AMBRA1: variants seen among roughly 807,000 people sequenced by gnomAD.
The protein encoded by AMBRA1 is activating molecule in BECN1-regulated autophagy protein 1.
In AMBRA1, 47 loss-of-function variants were observed where a neutral mutation model predicts 125.4. The observed-to-expected ratio is 0.37, with a 90% CI of 0.30 to 0.48. AMBRA1 has a LOEUF of 0.48. AMBRA1 is among the 20% of genes least tolerant of loss of function. AMBRA1 has a pLI of 0.99. For synonymous variants in AMBRA1, 626 were observed against 655.5 expected, an observed-to-expected ratio of 0.95 and a Z score of 0.69; for missense variants, 1,331 against 1,693.4, an observed-to-expected ratio of 0.79 and a Z score of 3.76.
chr11:46,532,121 A>G (rs1016289497), intron 7 of AMBRA1, among the ~76,000 whole-genome samples: 2 of 152,186 alleles, frequency 1.3e-5, no homozygotes, highest in Non-Finnish European at 2.9e-5. Flanking sequence ...TATGTCTCAG[A>G]AATAAATTAA....
chr11:46,493,620 T>C lies in AMBRA1; in HGVS notation c.2509A>G (p.Arg837Gly). ...AACATTTCCTTACCTGCCAGGACCC[T>C]GTTAACAGAAGAGTGAGTAGCCAAG... The part of the protein sequence containing the change: ...PGLATHSSVN[R>G]VLAGAVIGDG... The change falls in exon 11 of 18, where the codon AGG (arginine) becomes GGG (glycine). Residue 837 changes from arginine to glycine, a missense_variant. Arg to Gly is a moderately radical substitution (Grantham distance 125). Coordinates refer to ENST00000683756, the MANE Select transcript of AMBRA1 (RefSeq NM_001387011.1). 1 of 1,605,012 alleles carries C rather than the reference T, an allele frequency of 6.2e-7. No homozygotes were observed. The highest frequency in any genetic ancestry group is 1.1e-5 in the South Asian group (1 of 89,000).
At chr11:46,408,740 G>A (rs1315279384) in intron 16 of AMBRA1, 34 bp from the exon 17 acceptor site, 1 of 1,492,986 alleles carries the variant, frequency 6.7e-7, no homozygotes, top group Non-Finnish European at 9.0e-7. Flanking sequence ...AGTCAGATGG[G>A]GCTTGGGACA....
intron 1 of AMBRA1, among the ~76,000 whole-genome samples, chr11:46,588,505 G>T (rs1362226569): frequency 1.3e-5 from 2 of 151,960 alleles, no homozygotes; most frequent in African/African-American, 4.8e-5. Context: ...GCCGGGCACG[G>T]TGGCTCATAC....
intron 9 of AMBRA1, among the ~76,000 whole-genome samples, chr11:46,503,066 A>C (rs1437700330): frequency 6.9e-6 from 1 of 145,212 alleles, no homozygotes; most frequent in Non-Finnish European, 1.5e-5. Context: ...GTCTCAAAAA[A>C]AAAAAAAAAA....
At chr11:46,484,440 C>G (rs1950192471) in intron 11 of AMBRA1, among the ~76,000 whole-genome samples, 1 of 152,186 alleles carries the variant, frequency 6.6e-6, no homozygotes, top group Non-Finnish European at 1.5e-5. Flanking sequence ...TTCCAAGGAG[C>G]ACACAACCAT....
At chr11:46,572,138 C>T (rs891162914) in intron 1 of AMBRA1, among the ~76,000 whole-genome samples, 5 of 151,938 alleles carry the variant, frequency 3.3e-5, no homozygotes, top group Admixed American at 1.3e-4. Context: ...CCGTCTCTAC[C>T]GAAAATACAA....
chr11:46,439,224 T>C (rs1391995560), intron 12 of AMBRA1, among the ~76,000 whole-genome samples: 1 of 152,020 alleles, frequency 6.6e-6, no homozygotes, highest in Non-Finnish European at 1.5e-5. Flanking sequence ...TAGTGAGATA[T>C]GATCACGCCA....
intron 7 of AMBRA1, among the ~76,000 whole-genome samples, chr11:46,514,784 A>T (rs1453256399): frequency 6.6e-6 from 1 of 151,982 alleles, no homozygotes; most frequent in African/African-American, 2.4e-5. Flanking sequence ...CACTGGCAGG[A>T]TTTTTTCATG....
intron 10 of AMBRA1, 22 bp downstream of exon 10, chr11:46,494,102 T>C (rs775591239): frequency 6.3e-7 from 1 of 1,590,690 alleles, no homozygotes; most frequent in Non-Finnish European, 8.6e-7. Context: ...GCTCCCTCTG[T>C]TGCTAGCAAC....
intron 7 of AMBRA1, among the ~76,000 whole-genome samples, chr11:46,530,927 A>G (rs979973841): frequency 6.6e-6 from 1 of 152,232 alleles, no homozygotes; most frequent in Non-Finnish European, 1.5e-5. Flanking sequence ...TCTGTAGCCC[A>G]GGCTGGAGTG....
At chr11:46,536,939 T>A (rs1258364243) in intron 7 of AMBRA1, among the ~76,000 whole-genome samples, 1 of 152,214 alleles carries the variant, frequency 6.6e-6, no homozygotes, top group Admixed American at 6.5e-5. Context: ...TCTTACTAAA[T>A]ACTCCAGACC....
In AMBRA1 at chr11:46,397,765, C is replaced by T. The variant is rs773634879; in HGVS notation, c.3582G>A (p.Thr1194=). Residue 1194 remains threonine (T), a synonymous_variant, in exon 18 of 18, where the codon ACG becomes ACA. Transcript: ENST00000683756. ...TGTGGGCGGCACCAGGTTCAGTGCCCGTCTGAGAGCTGCGGTGAATGCGGT... is the reference window on the plus strand; with the variant it reads ...TGTGGGCGGCACCAGGTTCAGTGCCTGTCTGAGAGCTGCGGTGAATGCGGT... ...VSHRIHRSSQ[T]GTEPGAAHTS... is the part of the protein sequence containing the mutation. 2.2e-5 allele frequency: 35 copies of T among 1,612,020 alleles called. No individual in the cohort carries two copies. In the South Asian group the frequency reaches 2.6e-4, roughly 12 times the overall value.
At chr11:46,529,665 TCC>T (rs1183341784) in intron 7 of AMBRA1, among the ~76,000 whole-genome samples, 3 of 152,200 alleles carry the variant, frequency 2.0e-5, no homozygotes, top group Non-Finnish European at 4.4e-5. Context: ...GGGGCTGCTG[TCC>T]TACTCAATTC....
At chr11:46,466,690 C>T (rs1033371146) in intron 11 of AMBRA1, among the ~76,000 whole-genome samples, 1 of 152,118 alleles carries the variant, frequency 6.6e-6, no homozygotes, top group Non-Finnish European at 1.5e-5. Context: ...GTAAATTACA[C>T]AGTGGATAGC....
intron 11 of AMBRA1, among the ~76,000 whole-genome samples, chr11:46,456,403 CTGGCT>C: frequency 6.6e-6 from 1 of 152,194 alleles, no homozygotes; most frequent in East Asian, 1.9e-4. Context: ...ACAGAGGACA[CTGGCT>C]TAGGTGGGTC....
chr11:46,528,602 G>A (rs1183156182), intron 7 of AMBRA1, among the ~76,000 whole-genome samples: 1 of 152,156 alleles, frequency 6.6e-6, no homozygotes, highest in Non-Finnish European at 1.5e-5. Flanking sequence ...GAAACAGAAA[G>A]TAGAGTGGTG....
chr11:46,518,938 A>G (rs534814623), intron 7 of AMBRA1, among the ~76,000 whole-genome samples: 204 of 152,334 alleles, frequency 1.3e-3, no homozygotes, highest in African/African-American at 4.8e-3. Flanking sequence ...TAGGAATACA[A>G]TTTTTAAAAT....
intron 1 of AMBRA1, among the ~76,000 whole-genome samples, chr11:46,586,104 G>A (rs1424899162): frequency 2.6e-5 from 4 of 152,042 alleles, no homozygotes; most frequent in South Asian, 2.1e-4. Flanking sequence ...GCACCCAGCC[G>A]AAAATAATAA....
rs766519529 is a variant in AMBRA1, at chr11:46,443,519, G to C, written c.2601C>G (p.Phe867Leu). 4.3e-6 allele frequency: 7 copies of C among 1,614,162 alleles called. No homozygotes were observed. The East Asian group carries it at 1.6e-4, about 36-fold the overall frequency. The change falls in exon 12 of 18, where the codon TTC (phenylalanine) becomes TTG (leucine). Residue 867 changes from phenylalanine to leucine, a missense_variant. Phe to Leu is a conservative substitution (Grantham distance 22, BLOSUM62 0). Coordinates refer to ENST00000683756, the MANE Select transcript of AMBRA1 (RefSeq NM_001387011.1). ...TGATTTCAGGGAGGTCAAACTTAGT[G>C]AAGTCCCACCACTGGAGCCGGTAGG... The part of the protein sequence containing the change: ...NTTYRLQWWD[F>L]TKFDLPEISN...
Sources: allele counts gnomAD v4.1 joint callset (sites outside exome capture counted in the v4.1 genomes callset), GRCh38; gene constraint gnomAD v4.1.1; transcripts MANE v1.5; gene names NCBI Gene and HGNC (gene_info 2026-07-23, HGNC 2026-07-21).